TENT4B: variants seen among roughly 807,000 people sequenced by gnomAD.
TENT4B encodes the protein terminal nucleotidyltransferase 4B.
TENT4B carries 10 observed loss-of-function variants against 75.0 expected under a neutral mutation model. The ratio of observed to expected loss-of-function variants is 0.13; its 90% confidence interval spans 0.08 to 0.23. TENT4B has a LOEUF of 0.23. TENT4B is among the 10% of genes least tolerant of loss of function. TENT4B has a pLI of 1.00. For missense variants in TENT4B, 579 were observed against 893.8 expected, an observed-to-expected ratio of 0.65 and a Z score of 4.49; for synonymous variants, 350 against 357.7, an observed-to-expected ratio of 0.98 and a Z score of 0.24.
chr16:50,227,765 ATTGT>A, intron 10 of TENT4B, 70 bp from the exon 11 acceptor site: 1 of 1,538,622 alleles, frequency 6.5e-7, no homozygotes, highest in Non-Finnish European at 8.9e-7. Flanking sequence ...TTTAACCAAA[ATTGT>A]TTTTCTTTCT....
chr16:50,233,042 T>C lies in TENT4B; in HGVS notation c.*3714T>C. ...TCTCCTAGTTCATTAAACTTTCAGT[T>C]ATTGGAAAGGCACATTCTCAAAGTA... is the stretch of plus-strand genomic sequence containing the variant. On this transcript the variant is annotated 3_prime_UTR_variant, in exon 12 of 12. Transcript: ENST00000561678. 1.0e-6 allele frequency: 1 copy of C among 985,024 alleles called. No homozygotes were observed. The highest frequency in any genetic ancestry group is 1.2e-6 in the Non-Finnish European group (1 of 829,516). 61.0% of individuals were successfully genotyped at this position (985,024 alleles called of 1,614,324 possible).
chr16:50,189,209 A>C (rs2038592889), intron 1 of TENT4B, among the ~76,000 whole-genome samples: 2 of 152,176 alleles, frequency 1.3e-5, no homozygotes, highest in South Asian at 4.1e-4. Flanking sequence ...TGCTGTCAAA[A>C]TTCTGTCAAG....
intron 1 of TENT4B, among the ~76,000 whole-genome samples, chr16:50,186,351 A>G (rs894439249): frequency 6.6e-6 from 1 of 151,608 alleles, no homozygotes; most frequent in East Asian, 1.9e-4. Flanking sequence ...TGTTTTAATT[A>G]TGTTCCTGGC....
chr16:50,183,376 G>A (rs112373806), intron 1 of TENT4B, among the ~76,000 whole-genome samples: 7,192 of 152,022 alleles, frequency 0.047, 224 homozygotes, highest in East Asian at 0.089. Context: ...TGTAGCGGTT[G>A]TGGGATTTTT....
intron 1 of TENT4B, among the ~76,000 whole-genome samples, chr16:50,191,544 G>T (rs1415857382): frequency 1.3e-5 from 2 of 152,140 alleles, no homozygotes; most frequent in African/African-American, 4.8e-5. Flanking sequence ...AAAGTGTTCG[G>T]ATTATAGGCG....
At chr16:50,206,354 ATTTTTTTTT>A (rs35118426) in intron 1 of TENT4B, among the ~76,000 whole-genome samples, 3 of 96,550 alleles carry the variant, frequency 3.1e-5, no homozygotes, top group African/African-American at 7.8e-5. Flanking sequence ...ATATGTATGT[ATTTTTTTTT>A]TTTTTTTTTT....
chr16:50,202,023 A>G (rs1043438402), intron 1 of TENT4B, among the ~76,000 whole-genome samples: 21 of 152,184 alleles, frequency 1.4e-4, no homozygotes, highest in African/African-American at 5.1e-4. Context: ...CAGTGCAGAA[A>G]AAGAAAGTTG....
chr16:50,187,696 C>T (rs1466374017), intron 1 of TENT4B, among the ~76,000 whole-genome samples: 6 of 152,008 alleles, frequency 3.9e-5, no homozygotes, highest in African/African-American at 1.5e-4. Context: ...TCTTGGTACC[C>T]TAGCTGAAGT....
Position 50,234,136 on chromosome 16 carries a change from T to C in TENT4B, c.*4808T>C. The stretch of plus-strand genomic sequence containing the variant: ...ATGCCTAGAAACAAAACGCATATAG[T>C]ACCAGTGAGAAACTATGAAGTAAAC... On this transcript the variant is annotated 3_prime_UTR_variant, in exon 12 of 12. Coordinates refer to ENST00000561678, the MANE Select transcript of TENT4B (RefSeq NM_001365324.3). The C allele has an allele frequency of 1.0e-6, 1 of 985,444 alleles. No individual in the cohort carries two copies. The highest frequency in any genetic ancestry group is 1.2e-6 in the Non-Finnish European group (1 of 829,958). 61.0% of individuals were successfully genotyped at this position (985,444 alleles called of 1,614,324 possible).
chr16:50,180,044 T>C (rs1411561098), intron 1 of TENT4B, among the ~76,000 whole-genome samples: 3 of 152,208 alleles, frequency 2.0e-5, no homozygotes, highest in African/African-American at 7.2e-5. Flanking sequence ...TAGAACCCAC[T>C]TCTCAGGTAC....
intron 1 of TENT4B, among the ~76,000 whole-genome samples, chr16:50,177,652 C>T (rs1401471814): frequency 1.3e-5 from 2 of 151,608 alleles, no homozygotes; most frequent in African/African-American, 4.8e-5. Flanking sequence ...AGAAGCTTAT[C>T]AATTTTGTTG....
At chr16:50,168,712 C>G (rs185386065) in intron 1 of TENT4B, among the ~76,000 whole-genome samples, 4 of 152,190 alleles carry the variant, frequency 2.6e-5, no homozygotes, top group Non-Finnish European at 5.9e-5. Context: ...GTGGCGTGAC[C>G]TGTGCTTACT....
At chr16:50,209,522 T>C (rs2031167341) in intron 1 of TENT4B, among the ~76,000 whole-genome samples, 1 of 152,224 alleles carries the variant, frequency 6.6e-6, no homozygotes, top group Non-Finnish European at 1.5e-5. Context: ...CTGGGATATC[T>C]TCTGGATTCA....
At chr16:50,175,185 A>G (rs1288844636) in intron 1 of TENT4B, among the ~76,000 whole-genome samples, 3 of 152,184 alleles carry the variant, frequency 2.0e-5, no homozygotes, top group Non-Finnish European at 2.9e-5. Flanking sequence ...TTTGGATAAT[A>G]AGTCTTTTAT....
At chr16:50,158,866 G>A (rs1220426717) in intron 1 of TENT4B, among the ~76,000 whole-genome samples, 1 of 152,182 alleles carries the variant, frequency 6.6e-6, no homozygotes, top group Non-Finnish European at 1.5e-5. Context: ...GTATTACAGG[G>A]TAAGGATGGA....
intron 1 of TENT4B, among the ~76,000 whole-genome samples, chr16:50,165,215 T>C (rs2038077228): frequency 6.6e-6 from 1 of 152,130 alleles, no homozygotes; most frequent in Non-Finnish European, 1.5e-5. Flanking sequence ...TGTCTTTTTT[T>C]GGTTATATTC....
chr16:50,164,064 G>A (rs2038052711), intron 1 of TENT4B, among the ~76,000 whole-genome samples: 1 of 151,984 alleles, frequency 6.6e-6, no homozygotes, highest in Non-Finnish European at 1.5e-5. Flanking sequence ...GGCTGAGGCA[G>A]GAGAATCACT....
rs190229215 is a variant in TENT4B at position 50,176,331 on chromosome 16, C to T, written c.638+22072C>T. Among the ~76,000 whole-genome samples the T allele has an allele frequency of 3.3e-3, 505 of 151,590 alleles. 2 individuals carry two copies. The highest frequency in any genetic ancestry group is 4.7e-3 in the Non-Finnish European group (322 of 67,884). ...AACTCCTGAGCTCATATGATCTGCCCGCCTCCGTCTCCCAAAGTGCTGCGA... is the reference window on the plus strand; with the variant it reads ...AACTCCTGAGCTCATATGATCTGCCTGCCTCCGTCTCCCAAAGTGCTGCGA... On this transcript the variant is annotated intron_variant, in intron 1 of 11. Transcript: ENST00000561678.
chr16:50,209,608 A>C (rs779142283), intron 1 of TENT4B, among the ~76,000 whole-genome samples: 5 of 152,196 alleles, frequency 3.3e-5, no homozygotes, highest in African/African-American at 7.2e-5. Context: ...ACGCTGTTGT[A>C]AATCATCCTC....
Sources: gnomAD v4.1 joint callset for allele counts (sites outside exome capture counted in the v4.1 genomes callset) on GRCh38, gnomAD v4.1.1 for gene constraint, MANE v1.5 for transcripts, NCBI Gene and HGNC (gene_info 2026-07-23, HGNC 2026-07-21) for gene names.